ADAM23: variants seen among roughly 807,000 people sequenced by gnomAD.
ADAM23 encodes disintegrin and metalloproteinase domain-containing protein 23.
A neutral mutation model predicts 120.1 loss-of-function variants in ADAM23; 33 were observed. The ratio of observed to expected loss-of-function variants is 0.27; its 90% CI spans 0.21 to 0.37. The LOEUF (loss-of-function observed/expected upper bound fraction) is 0.37. ADAM23 is among the 10% of genes least tolerant of loss of function. ADAM23 has a pLI of 1.00. For missense variants in ADAM23, 862 were observed against 1,058.2 expected (o/e 0.81, Z 2.57); for synonymous variants, 367 against 375.2 (o/e 0.98, Z 0.25).
chr2:206,492,107 A>G (rs566432824), intron 3 of ADAM23, among the ~76,000 whole-genome samples: 1 of 152,366 alleles, frequency 6.6e-6, no homozygotes, highest in East Asian at 1.9e-4. Flanking sequence ...ACAAATCTGT[A>G]GGCATTTAAT....
intron 3 of ADAM23, 40 bp downstream of exon 3, chr2:206,481,348 A>G (rs561189432): frequency 2.1e-6 from 3 of 1,461,220 alleles, no homozygotes; most frequent in Non-Finnish European, 2.8e-6. Flanking sequence ...AGCAGGTGCA[A>G]TAAAGCTTTG....
chr2:206,506,441 C>T (rs1164239832), intron 3 of ADAM23, among the ~76,000 whole-genome samples: 3 of 152,178 alleles, frequency 2.0e-5, no homozygotes, highest in Non-Finnish European at 4.4e-5. Context: ...CCTTTGCTCT[C>T]AAGGTTCACC....
At chr2:206,538,143 G>A (rs1420727588) in intron 4 of ADAM23, among the ~76,000 whole-genome samples, 6 of 152,078 alleles carry the variant, frequency 3.9e-5, no homozygotes, top group Non-Finnish European at 8.8e-5. Context: ...CAGCCAAACT[G>A]TTCTAATACT....
intron 3 of ADAM23, among the ~76,000 whole-genome samples, chr2:206,484,894 A>G (rs1695978996): frequency 6.6e-6 from 1 of 151,994 alleles, no homozygotes; most frequent in Non-Finnish European, 1.5e-5. Flanking sequence ...ACGAGATCTG[A>G]TGGTTTTATG....
At chr2:206,537,266 G>A (rs528502100) in intron 4 of ADAM23, among the ~76,000 whole-genome samples, 1 of 152,108 alleles carries the variant, frequency 6.6e-6, no homozygotes, top group African/African-American at 2.4e-5. Context: ...GTTCAAGCTC[G>A]CTTCTAAGAG....
intron 25 of ADAM23, among the ~76,000 whole-genome samples, chr2:206,615,773 A>G (rs1437833182): frequency 2.6e-5 from 4 of 152,192 alleles, no homozygotes; most frequent in Non-Finnish European, 5.9e-5. Context: ...CCTAAGCTTC[A>G]AAAACCAGCT....
At chr2:206,493,793 A>G (rs1696180900) in intron 3 of ADAM23, among the ~76,000 whole-genome samples, 1 of 152,266 alleles carries the variant, frequency 6.6e-6, no homozygotes, top group South Asian at 2.1e-4. Context: ...AATCTCTAAT[A>G]CATTGTAGAG....
At chr2:206,542,193 GAT>G in intron 5 of ADAM23, 59 bp downstream of exon 5, 1 of 1,522,980 alleles carries the variant, frequency 6.6e-7, no homozygotes, top group Non-Finnish European at 9.1e-7. Flanking sequence ...CCCTTTTATG[GAT>G]ATATATATTT....
At chr2:206,570,140 T>G (rs1308796155) in intron 15 of ADAM23, among the ~76,000 whole-genome samples, 1 of 152,224 alleles carries the variant, frequency 6.6e-6, no homozygotes, top group Non-Finnish European at 1.5e-5. Context: ...TATACTCTTC[T>G]ATTGCCCTAG....
rs756483810 is a variant in ADAM23 at position 206,548,326 on chromosome 2, G to C, written c.839G>C (p.Trp280Ser). 11 of 1,611,276 alleles carry C rather than the reference G, an allele frequency of 6.8e-6. No homozygotes were observed. The South Asian group carries it at 1.1e-4, about 16-fold the overall frequency. ...TGGCCCTTTCTCTCTGAATTACAGT[G>C]GTTGAAAAGAAGGAAGAGAGCAGTG... The part of the protein sequence containing the change: ...DQWPFLSELQ[W>S]LKRRKRAVNP... The change falls in exon 8 of 26, where the codon TGG (tryptophan) becomes TCG (serine). Residue 280 changes from tryptophan (W) to serine (S), a missense_variant. Coordinates refer to ENST00000264377, the MANE Select transcript of ADAM23 (RefSeq NM_003812.4).
chr2:206,516,688 A>C (rs188236035), intron 3 of ADAM23, among the ~76,000 whole-genome samples: 2 of 152,246 alleles, frequency 1.3e-5, no homozygotes, highest in Admixed American at 6.5e-5. Flanking sequence ...TAGTACCATC[A>C]CATTGGGGGT....
chr2:206,589,530 T>C lies in ADAM23; in HGVS notation c.1958+16T>C. On this transcript the variant is annotated intron_variant, in intron 21 of 25. Coordinates refer to ENST00000264377, the MANE Select transcript of ADAM23 (RefSeq NM_003812.4). ...GCAGCAAACAGTGAGTGGTCAGCTC[T>C]AAGGGCATAGTCACTGGACTTGGAA... The C allele has an allele frequency of 6.2e-7, 1 of 1,604,398 alleles. No homozygotes were observed. Among genetic ancestry groups the C allele is most frequent in the African/African-American group, 1.3e-5 (1 of 74,876 alleles).
intron 2 of ADAM23, among the ~76,000 whole-genome samples, chr2:206,456,440 C>A (rs1447001233): frequency 1.3e-5 from 2 of 151,834 alleles, no homozygotes; most frequent in African/African-American, 4.8e-5. Context: ...TCATATCAAC[C>A]CTGGACTGGT....
At chr2:206,501,446 A>T (rs576036533) in intron 3 of ADAM23, among the ~76,000 whole-genome samples, 1 of 152,096 alleles carries the variant, frequency 6.6e-6, no homozygotes, top group Non-Finnish European at 1.5e-5. Flanking sequence ...TCATTCAGTT[A>T]TCAGCACCTC....
In ADAM23 at chr2:206,523,527, G is replaced by A. The variant is rs565448266; in HGVS notation, c.510-7358G>A. On this transcript the variant is annotated intron_variant, in intron 3 of 25. Coordinates refer to ENST00000264377, the MANE Select transcript of ADAM23 (RefSeq NM_003812.4). ...CTCTCCATGTCCTCGATCTTTTAACGTAGCTTAAAATTCTTACTGTATTGT... is the reference window on the plus strand; with the variant it reads ...CTCTCCATGTCCTCGATCTTTTAACATAGCTTAAAATTCTTACTGTATTGT... Among the ~76,000 whole-genome samples, 6 of 152,128 alleles carry A rather than the reference G, an allele frequency of 3.9e-5. No homozygotes were observed. In the East Asian group the frequency reaches 7.7e-4, roughly 20 times the overall value.
chr2:206,589,341 G>T, intron 20 of ADAM23, 68 bp from the exon 21 acceptor site: 1 of 1,327,524 alleles, frequency 7.5e-7, no homozygotes, highest in Non-Finnish European at 1.0e-6. Context: ...ACACTTACTG[G>T]CACACTACTG....
intron 18 of ADAM23, among the ~76,000 whole-genome samples, chr2:206,574,175 A>T (rs1441299163): frequency 6.6e-6 from 1 of 152,142 alleles, no homozygotes; most frequent in Non-Finnish European, 1.5e-5. Flanking sequence ...CGTCATCTTC[A>T]TCATCATGTC....
intron 2 of ADAM23, among the ~76,000 whole-genome samples, chr2:206,468,955 G>A (rs548546276): frequency 2.9e-4 from 44 of 152,216 alleles, no homozygotes; most frequent in Admixed American, 2.2e-3. Context: ...GAGATGGGAC[G>A]AGGTGCCACA....
At chr2:206,598,579 A>G (rs2105854565) in intron 24 of ADAM23, among the ~76,000 whole-genome samples, 1 of 152,254 alleles carries the variant, frequency 6.6e-6, no homozygotes, top group East Asian at 1.9e-4. Context: ...AATACGGAAA[A>G]TATTAAAACT....
Sources: gnomAD v4.1 joint callset for allele counts (sites outside exome capture counted in the v4.1 genomes callset) on GRCh38, gnomAD v4.1.1 for gene constraint, MANE v1.5 for transcripts, NCBI Gene and HGNC (gene_info 2026-07-23, HGNC 2026-07-21) for gene names.